Variants in SCAPER observed in about 807,000 individuals in gnomAD.
SCAPER encodes the protein S phase cyclin A-associated protein in the endoplasmic reticulum.
Under a neutral mutation model 182.2 loss-of-function variants are expected in SCAPER, and 98 were observed. That is an observed-to-expected ratio of 0.54 (90% CI 0.46 to 0.64). The LOEUF is 0.64. Ranked by LOEUF, SCAPER falls within the 30% of genes least tolerant of loss-of-function variation. The pLI is 0.00. For synonymous variants in SCAPER, 605 were observed against 564.6 expected, an observed-to-expected ratio of 1.07 and a Z score of -1.01; for missense variants, 1,432 against 1,690.0, an observed-to-expected ratio of 0.85 and a Z score of 2.68.
chr15:76,551,538 G>C (rs1238547214), intron 23 of SCAPER, among the ~76,000 whole-genome samples: 1 of 152,132 alleles, frequency 6.6e-6, no homozygotes, highest in Admixed American at 6.5e-5. Flanking sequence ...GTAGAATACT[G>C]GCTACTGGGG....
At chr15:76,658,356 G>GA (rs534805786) in intron 21 of SCAPER, among the ~76,000 whole-genome samples, 50 of 152,196 alleles carry the variant, frequency 3.3e-4, no homozygotes, top group African/African-American at 1.1e-3. Flanking sequence ...AGCTAACCAT[G>GA]GAGTTGAAAA....
At chr15:76,561,360 C>A (rs2145149345) in intron 23 of SCAPER, among the ~76,000 whole-genome samples, 1 of 152,198 alleles carries the variant, frequency 6.6e-6, no homozygotes, top group Admixed American at 6.5e-5. Context: ...TAATAATTGA[C>A]ATGCCTGGTT....
chr15:76,735,438 C>G (rs1226496221), intron 15 of SCAPER, among the ~76,000 whole-genome samples: 1 of 151,870 alleles, frequency 6.6e-6, no homozygotes, highest in African/African-American at 2.4e-5. Flanking sequence ...TGACTCACAC[C>G]TATAATCCCA....
intron 21 of SCAPER, among the ~76,000 whole-genome samples, chr15:76,661,558 G>A (rs768769718): frequency 6.6e-6 from 1 of 152,072 alleles, no homozygotes; most frequent in East Asian, 1.9e-4. Context: ...TATTTATGCG[G>A]CCAGCAAACA....
intron 24 of SCAPER, among the ~76,000 whole-genome samples, chr15:76,475,563 T>C (rs977962149): frequency 6.6e-6 from 1 of 152,252 alleles, no homozygotes; most frequent in African/African-American, 2.4e-5. Flanking sequence ...TCAACCTGCC[T>C]TGGCCTCCCA....
intron 5 of SCAPER, among the ~76,000 whole-genome samples, chr15:76,830,989 G>A (rs1191520960): frequency 6.6e-6 from 1 of 152,126 alleles, no homozygotes; most frequent in African/African-American, 2.4e-5. Context: ...CAGGCATGGA[G>A]TGGTCCACCC....
chr15:76,450,431 C>T (rs2048297102), intron 25 of SCAPER, among the ~76,000 whole-genome samples: 1 of 152,166 alleles, frequency 6.6e-6, no homozygotes, highest in Non-Finnish European at 1.5e-5. Context: ...CTTTACATTG[C>T]TGCCTTTTGG....
At chr15:76,465,006 T>C (rs12899871) in intron 25 of SCAPER, among the ~76,000 whole-genome samples, 60,443 of 152,058 alleles carry the variant, frequency 0.4, 14,299 homozygotes, top group Middle Eastern at 0.55. Context: ...TCTTTTCATA[T>C]ACGTGTTGTT....
At chr15:76,370,135 C>A (rs1240073391) in intron 29 of SCAPER, among the ~76,000 whole-genome samples, 5 of 151,854 alleles carry the variant, frequency 3.3e-5, no homozygotes, top group Admixed American at 1.3e-4. Context: ...AGCTTGGAGT[C>A]CCCATGAGAT....
At chr15:76,373,570 G>A (rs1411539120) in intron 29 of SCAPER, among the ~76,000 whole-genome samples, 3 of 152,188 alleles carry the variant, frequency 2.0e-5, no homozygotes, top group Non-Finnish European at 4.4e-5. Flanking sequence ...GTTTGAAAGG[G>A]AAGGACACTG....
chr15:76,589,708 C>T lies in SCAPER; in HGVS notation c.2712-15424G>A, dbSNP rs562895667. The stretch of plus-strand genomic sequence containing the variant: ...CCCTCAAGTTCTGGCCAGGAGACTT[C>T]GCGTTTGGTTGGAATTGTTACAAAG... On this transcript the variant is annotated intron_variant, in intron 22 of 31. Coordinates refer to ENST00000563290, the MANE Select transcript of SCAPER (RefSeq NM_020843.4). Among the ~76,000 whole-genome samples, 41 of 152,258 alleles carry T rather than the reference C, an allele frequency of 2.7e-4. 1 individual carries two copies. In the East Asian group the frequency reaches 3.1e-3, roughly 11 times the overall value.
At chr15:76,615,135 A>G (rs955347876) in intron 22 of SCAPER, among the ~76,000 whole-genome samples, 3 of 152,172 alleles carry the variant, frequency 2.0e-5, no homozygotes, top group Admixed American at 6.5e-5. Flanking sequence ...GTTGAAGAAA[A>G]GCCTTGGACT....
chr15:76,457,267 G>T (rs1338045758), intron 25 of SCAPER, among the ~76,000 whole-genome samples: 1 of 152,136 alleles, frequency 6.6e-6, no homozygotes, highest in East Asian at 1.9e-4. Flanking sequence ...GTTTCACTGT[G>T]TTAGCCAGGA....
intron 22 of SCAPER, among the ~76,000 whole-genome samples, chr15:76,609,735 A>T (rs765541560): frequency 3.3e-5 from 5 of 152,250 alleles, no homozygotes; most frequent in Non-Finnish European, 7.3e-5. Context: ...TGTACTAGGT[A>T]AATGGAACTA....
At chr15:76,365,268 T>C (rs1425389709) in intron 29 of SCAPER, among the ~76,000 whole-genome samples, 5 of 152,208 alleles carry the variant, frequency 3.3e-5, no homozygotes, top group Non-Finnish European at 2.9e-5. Flanking sequence ...TAAAAGCTGA[T>C]AAATGAGAGA....
At chr15:76,444,727 C>T (rs544594389) in intron 25 of SCAPER, among the ~76,000 whole-genome samples, 1 of 152,220 alleles carries the variant, frequency 6.6e-6, no homozygotes, top group East Asian at 1.9e-4. Context: ...ATGTTAGATC[C>T]CATGAGTCTG....
At chr15:76,853,530 T>G (rs763802221) in intron 4 of SCAPER, among the ~76,000 whole-genome samples, 6 of 151,934 alleles carry the variant, frequency 3.9e-5, no homozygotes, top group Non-Finnish European at 8.8e-5. Flanking sequence ...ATAAATGTGA[T>G]TCAACACCTA....
rs1330243016 is a variant in SCAPER, at chr15:76,603,611, C to G, written c.2711+18153G>C. Among the ~76,000 whole-genome samples the G allele has an allele frequency of 3.3e-5, 4 of 122,230 alleles. 1 individual carries two copies. Among genetic ancestry groups the G allele is most frequent in the African/African-American group, 1.0e-4 (4 of 39,846 alleles). 80.2% of individuals were successfully genotyped at this position (122,230 alleles called of 152,430 possible). A position where few individuals can be genotyped will look rare whatever the true frequency, so the allele number is the denominator to read the frequency against. On this transcript the variant is annotated intron_variant, in intron 22 of 31. Coordinates refer to ENST00000563290, the MANE Select transcript of SCAPER (RefSeq NM_020843.4). ...GATCCCTGAGGAATCACCACACTGA[C>G]TTCCACAATGGTTGAACTAGTTTGC...
chr15:76,605,124 G>GCTTT (rs1361541015), intron 22 of SCAPER, among the ~76,000 whole-genome samples: 4 of 152,156 alleles, frequency 2.6e-5, no homozygotes, highest in African/African-American at 9.7e-5. Context: ...AATGCTTCCA[G>GCTTT]TTTTTGCTCA....
Sources: allele counts gnomAD v4.1 joint callset (sites outside exome capture counted in the v4.1 genomes callset), GRCh38; gene constraint gnomAD v4.1.1; transcripts MANE v1.5; gene names NCBI Gene and HGNC (gene_info 2026-07-23, HGNC 2026-07-21).